Variants in NPAT observed in about 807,000 individuals in gnomAD.
The protein encoded by NPAT is protein NPAT.
Under a neutral mutation model 130.7 loss-of-function variants are expected in NPAT, and 52 were observed. The observed-to-expected ratio is 0.40, with a 90% CI of 0.32 to 0.50. NPAT has a LOEUF of 0.50. Ranked by LOEUF, NPAT falls within the 20% of genes least tolerant of loss-of-function variation. The pLI is 0.68. For missense variants in NPAT, 1,687 were observed against 1,662.6 expected (o/e 1.01, Z -0.26); for synonymous variants, 580 against 584.8 (o/e 0.99, Z 0.12).
At chr11:108,160,728 T>C in intron 17 of NPAT, 152 bp downstream of exon 17, 1 of 705,004 alleles carries the variant, frequency 1.4e-6, no homozygotes, top group Non-Finnish European at 2.4e-6. Context: ...TTATTGGTCC[T>C]GTGATCATGG....
intron 5 of NPAT, 55 bp downstream of exon 5, chr11:108,190,405 T>C (rs1299072317): frequency 2.3e-6 from 3 of 1,318,520 alleles, no homozygotes; most frequent in East Asian, 2.3e-5. Flanking sequence ...AAAATGTTCA[T>C]CTGATAGTTT....
intron 1 of NPAT, among the ~76,000 whole-genome samples, chr11:108,217,598 T>G (rs905530342): frequency 1.3e-5 from 2 of 152,240 alleles, no homozygotes; most frequent in Non-Finnish European, 2.9e-5. Flanking sequence ...TTTATCATCA[T>G]TAAGTATCTG....
chr11:108,222,253 G>T (rs1183497927), intron 1 of NPAT, among the ~76,000 whole-genome samples: 1 of 152,138 alleles, frequency 6.6e-6, no homozygotes, highest in Non-Finnish European at 1.5e-5. Context: ...CGCCCCAGGT[G>T]TTCCACCCCG....
chr11:108,195,157 G>A (rs905390028), intron 2 of NPAT, among the ~76,000 whole-genome samples: 1 of 152,174 alleles, frequency 6.6e-6, no homozygotes, highest in African/African-American at 2.4e-5. Context: ...GCAAACACCA[G>A]TGTCTAGGTT....
At chr11:108,214,571 A>G (rs2078414866) in intron 1 of NPAT, among the ~76,000 whole-genome samples, 1 of 152,088 alleles carries the variant, frequency 6.6e-6, no homozygotes, top group African/African-American at 2.4e-5. Flanking sequence ...ACCCTGAAAA[A>G]CAACGAAGTT....
At chr11:108,210,001 T>C (rs1206341248) in intron 1 of NPAT, among the ~76,000 whole-genome samples, 1 of 131,680 alleles carries the variant, frequency 7.6e-6, no homozygotes, top group Admixed American at 7.4e-5. Flanking sequence ...GAAACAAAAA[T>C]AGAGAAAAAT....
chr11:108,172,268 ACTGAGGTGGT>A lies in NPAT; in HGVS notation c.2706_2715del (p.Pro903TyrfsTer27). On this transcript the variant is annotated frameshift_variant, in exon 13 of 18. Coordinates refer to ENST00000278612, the MANE Select transcript of NPAT (RefSeq NM_002519.3). LOFTEE classifies it high-confidence loss of function. The stretch of plus-strand genomic sequence containing the variant: ...CTGTTTGACCTTGGTGGTGTCTGTA[ACTGAGGTGGT>A]AGAGGTTGAGCAGTCATAGGTGCAG... 1 of 1,613,978 alleles carries A rather than the reference ACTGAGGTGGT, an allele frequency of 6.2e-7. No individual in the cohort carries two copies. Among genetic ancestry groups the A allele is most frequent in the Non-Finnish European group, 8.5e-7 (1 of 1,179,778 alleles).
intron 15 of NPAT, among the ~76,000 whole-genome samples, chr11:108,163,844 TGAGAA>T (rs1407556020): frequency 6.6e-6 from 1 of 152,200 alleles, no homozygotes; most frequent in African/African-American, 2.4e-5. Context: ...AGTAGATGCA[TGAGAA>T]AAGACAGTAA....
chr11:108,166,793 C>T (rs1196727892), intron 15 of NPAT, among the ~76,000 whole-genome samples: 1 of 152,068 alleles, frequency 6.6e-6, no homozygotes, highest in Admixed American at 6.6e-5. Context: ...TATAGTTTTT[C>T]CCATCTCCCA....
At position 108,160,671 on chromosome 11, in the gene NPAT, C is replaced by T. The variant is rs1002955176; in HGVS notation, c.4206+209G>A. Among the ~76,000 whole-genome samples the T allele has an allele frequency of 8.5e-5, 13 of 152,330 alleles. 1 individual carries two copies. The South Asian group carries it at 2.7e-3, about 32-fold the overall frequency. On this transcript the variant is annotated intron_variant, in intron 17 of 17. Coordinates refer to ENST00000278612, the MANE Select transcript of NPAT (RefSeq NM_002519.3). The stretch of plus-strand genomic sequence containing the variant: ...TGCGTACTACACTAACACTGCTGGA[C>T]TGCTTTGTTGCCCTACAAGTCTGAG...
At position 108,157,433 on chromosome 11, in the gene NPAT, C is replaced by T. The variant is rs540147269; in HGVS notation, c.*1509G>A. 64 of 152,202 alleles carry T rather than the reference C, an allele frequency of 4.2e-4. 1 individual carries two copies. The East Asian group carries it at 0.012, about 29-fold the overall frequency. 9.4% of individuals were successfully genotyped at this position (152,202 alleles called of 1,614,324 possible). ...TATTTATTCAAACCTAACTGTAGTA[C>T]AGTCTCAAGCTGAGTTAAATAAACA... On this transcript the variant is annotated 3_prime_UTR_variant, in exon 18 of 18. Coordinates refer to ENST00000278612, the MANE Select transcript of NPAT (RefSeq NM_002519.3).
At chr11:108,198,101 A>T (rs995192614) in intron 1 of NPAT, among the ~76,000 whole-genome samples, 2 of 152,230 alleles carry the variant, frequency 1.3e-5, no homozygotes, top group Non-Finnish European at 2.9e-5. Context: ...AGTTAAGGAA[A>T]TCATCATCCA....
At chr11:108,196,037 AACTC>A (rs1297397646) in intron 2 of NPAT, among the ~76,000 whole-genome samples, 2 of 152,188 alleles carry the variant, frequency 1.3e-5, no homozygotes, top group African/African-American at 2.4e-5. Flanking sequence ...TCATATATAA[AACTC>A]ACTGTCAAAT....
At position 108,185,458 on chromosome 11, in the gene NPAT, T is replaced by G. The variant is rs776492795; in HGVS notation, c.763A>C (p.Ser255Arg). Residue 255 changes from serine to arginine, a missense_variant, in exon 9 of 18, where the codon AGC becomes CGC. Coordinates refer to ENST00000278612, the MANE Select transcript of NPAT (RefSeq NM_002519.3). ...VIENAREKIL[S>R]NKSLQEKLAE... ...AGCTTTTCTTGAAGAGATTTGTTGCTTAGTATTTTTTCTCGTGCATTTTCA... is the reference window on the plus strand; with the variant it reads ...AGCTTTTCTTGAAGAGATTTGTTGCGTAGTATTTTTTCTCGTGCATTTTCA... 3 of 1,612,044 alleles carry G rather than the reference T, an allele frequency of 1.9e-6. No individual in the cohort carries two copies. Among genetic ancestry groups the G allele is most frequent in the South Asian group, 2.2e-5 (2 of 90,968 alleles).
rs750178906 is a variant in NPAT at position 108,222,537 on chromosome 11, G to A, written c.-1C>T. On this transcript the variant is annotated 5_prime_UTR_variant, in exon 1 of 18. Coordinates refer to ENST00000278612, the MANE Select transcript of NPAT (RefSeq NM_002519.3). ...GGGCTACGTCCGAGGGTAACAACAT[G>A]ATCAAAACCACAGCAGGAACCACAA... 1 of 1,613,860 alleles carries A rather than the reference G, an allele frequency of 6.2e-7. No homozygotes were observed. Among genetic ancestry groups the A allele is most frequent in the Non-Finnish European group, 8.5e-7 (1 of 1,179,918 alleles).
At chr11:108,181,456 C>T (rs1481118499) in intron 10 of NPAT, among the ~76,000 whole-genome samples, 1 of 135,860 alleles carries the variant, frequency 7.4e-6, no homozygotes, top group Non-Finnish European at 1.6e-5. Context: ...CAGAGCGAGA[C>T]TCTGTCTCAA....
chr11:108,161,811 G>A lies in NPAT; in HGVS notation c.3275C>T (p.Ala1092Val), dbSNP rs1051988142. The change falls in exon 17 of 18, where the codon GCA becomes GTA. Residue 1092 changes from alanine to valine, a missense_variant. By Grantham distance (64) the Ala-to-Val change is moderately conservative. Around this residue, in one of 3 missense-constraint regions of NPAT, gnomAD observed 1,379 missense variants for 1,346.6 expected, o/e 1.02. Transcript: ENST00000278612. ...TGAGTCAAGATTAGGAAAAGAGACT[G>A]CATTCCTTTCTTTGTTTTGGGACAC... ...KMVSQNKERN[A>V]VSFPNLDSPN... is the part of the protein sequence containing the mutation. 1.2e-5 allele frequency: 19 copies of A among 1,613,872 alleles called. No individual in the cohort carries two copies. Among genetic ancestry groups the A allele is most frequent in the South Asian group, 2.2e-5 (2 of 91,078 alleles).
chr11:108,191,610 T>C (rs927582074), intron 4 of NPAT, among the ~76,000 whole-genome samples: 6 of 152,362 alleles, frequency 3.9e-5, no homozygotes, highest in African/African-American at 9.6e-5. Context: ...TAGTCACTTA[T>C]AGCTCTGAAA....
chr11:108,205,922 G>A (rs2078320905), intron 1 of NPAT, among the ~76,000 whole-genome samples: 1 of 152,156 alleles, frequency 6.6e-6, no homozygotes, highest in African/African-American at 2.4e-5. Flanking sequence ...GGACTCGCCT[G>A]TAATCTCAGC....
Sources: allele counts gnomAD v4.1 joint callset (sites outside exome capture counted in the v4.1 genomes callset), GRCh38; gene constraint gnomAD v4.1.1; regional missense constraint gnomAD v4.1.1; transcripts MANE v1.5; gene names NCBI Gene and HGNC (gene_info 2026-07-23, HGNC 2026-07-21).